Variants in ZBTB20 observed in about 807,000 individuals in gnomAD.
The protein encoded by ZBTB20 is zinc finger and BTB domain containing 20.
Under a neutral mutation model 56.9 loss-of-function variants are expected in ZBTB20, and 9 were observed. That is an observed-to-expected ratio of 0.16 (90% CI 0.10 to 0.28). The LOEUF is 0.28. Among genes scored for constraint, ZBTB20 ranks in the 10% least tolerant of loss-of-function variants. ZBTB20 has a pLI of 1.00. For missense variants in ZBTB20, 655 were observed against 1,003.0 expected (o/e 0.65, Z 4.69); for synonymous variants, 417 against 420.7 (o/e 0.99, Z 0.11).
intron 6 of ZBTB20, among the ~76,000 whole-genome samples, chr3:114,524,041 C>G (rs1274398850): frequency 6.6e-6 from 1 of 152,030 alleles, no homozygotes; most frequent in Non-Finnish European, 1.5e-5. Flanking sequence ...TGAGATTTGT[C>G]AAGAGAGCAC....
intron 7 of ZBTB20, among the ~76,000 whole-genome samples, chr3:114,457,807 T>C (rs1038734513): frequency 2.0e-5 from 3 of 152,178 alleles, no homozygotes; most frequent in African/African-American, 7.2e-5. Flanking sequence ...GCCTAGCAAG[T>C]GAGGAGCTGG....
chr3:115,068,233 G>A (rs896235511), intron 2 of ZBTB20, among the ~76,000 whole-genome samples: 40 of 151,468 alleles, frequency 2.6e-4, no homozygotes, highest in Non-Finnish European at 2.9e-5. Context: ...AGTATATAAA[G>A]GCTGCGATTT....
At position 114,535,187 on chromosome 3, in the gene ZBTB20, T is replaced by C. The variant is rs144365613; in HGVS notation, c.-294-34796A>G. Among the ~76,000 whole-genome samples, 1,015 of 152,134 alleles carry C rather than the reference T, an allele frequency of 6.7e-3. 6 individuals carry two copies. The highest frequency in any genetic ancestry group is 0.012 in the Non-Finnish European group (783 of 67,996). ...GAGACATGAAAAACCCTTCAAAAAA[T>C]TGATGAATCTAGGAGCTGATTTTTT... On this transcript the variant is annotated intron_variant, in intron 6 of 11. Transcript: ENST00000675478.
At chr3:114,678,506 T>C (rs113701648) in intron 6 of ZBTB20, among the ~76,000 whole-genome samples, 3,670 of 152,250 alleles carry the variant, frequency 0.024, 130 homozygotes, top group African/African-American at 0.079. Context: ...GACTGTGCTT[T>C]TGAACAATAT....
rs552754530 is a variant in ZBTB20 at position 114,390,799 on chromosome 3, G to A, written c.-254-1694C>T. Among the ~76,000 whole-genome samples, 6 of 152,322 alleles carry A rather than the reference G, an allele frequency of 3.9e-5. No homozygotes were observed. The East Asian group carries it at 1.2e-3, about 29-fold the overall frequency. On this transcript the variant is annotated intron_variant, in intron 7 of 11. Transcript: ENST00000675478. ...GAGGCACCTGGATGAATACAACAGG[G>A]TCTCTAACTTTGAGAAGTTCACATC... is the stretch of plus-strand genomic sequence containing the variant.
intron 2 of ZBTB20, among the ~76,000 whole-genome samples, chr3:115,063,979 T>C (rs1220610869): frequency 6.6e-6 from 1 of 152,090 alleles, no homozygotes; most frequent in Non-Finnish European, 1.5e-5. Flanking sequence ...AGTAACAATA[T>C]TTCCTTCCTA....
intron 6 of ZBTB20, among the ~76,000 whole-genome samples, chr3:114,530,229 T>C (rs2047689947): frequency 6.6e-6 from 1 of 152,228 alleles, no homozygotes; most frequent in African/African-American, 2.4e-5. Context: ...TTCTGCAAGA[T>C]CCATTCATTG....
chr3:114,717,125 G>C (rs551167608), intron 5 of ZBTB20, among the ~76,000 whole-genome samples: 88 of 152,174 alleles, frequency 5.8e-4, no homozygotes, highest in African/African-American at 2.0e-3. Context: ...CAGAGCCTTG[G>C]TTTCCTTTTC....
At chr3:115,002,971 A>T (rs965263458) in intron 2 of ZBTB20, among the ~76,000 whole-genome samples, 9 of 151,662 alleles carry the variant, frequency 5.9e-5, no homozygotes, top group Non-Finnish European at 1.2e-4. Context: ...AAGATTATTC[A>T]GCACTAAAGA....
At chr3:114,837,093 A>G (rs1270832127) in intron 4 of ZBTB20, among the ~76,000 whole-genome samples, 1 of 152,122 alleles carries the variant, frequency 6.6e-6, no homozygotes, top group Non-Finnish European at 1.5e-5. Flanking sequence ...CTCTGTTCCT[A>G]CATCTCTGCA....
rs527819380 is a variant in ZBTB20, at chr3:114,412,638, C to A, written c.-254-23533G>T. 2.6e-5 allele frequency among the ~76,000 whole-genome samples: 4 copies of A among 152,138 alleles called. No homozygotes were observed. The East Asian group carries it at 7.7e-4, about 29-fold the overall frequency. ...TAGCACAGAGGCAAGCAGTTTTAGG[C>A]TTTTTTTGGTCACAGATTTCTGCTG... On this transcript the variant is annotated intron_variant, in intron 7 of 11. Transcript: ENST00000675478.
At chr3:114,558,198 T>C (rs1462237127) in intron 6 of ZBTB20, among the ~76,000 whole-genome samples, 1 of 152,000 alleles carries the variant, frequency 6.6e-6, no homozygotes, top group Admixed American at 6.6e-5. Flanking sequence ...AGAAGAAGAC[T>C]TTAGGTCACC....
chr3:114,603,304 C>G (rs2056901411), intron 6 of ZBTB20, among the ~76,000 whole-genome samples: 1 of 151,940 alleles, frequency 6.6e-6, no homozygotes, highest in Admixed American at 6.6e-5. Context: ...GTGTACTATG[C>G]AAATTATAGT....
intron 7 of ZBTB20, among the ~76,000 whole-genome samples, chr3:114,489,870 G>A (rs2042541013): frequency 6.6e-6 from 1 of 152,220 alleles, no homozygotes; most frequent in South Asian, 2.1e-4. Flanking sequence ...ATAAAGATAA[G>A]CCATCACGGC....
At chr3:114,731,202 G>A (rs1045803452) in intron 5 of ZBTB20, among the ~76,000 whole-genome samples, 2 of 152,052 alleles carry the variant, frequency 1.3e-5, no homozygotes, top group Non-Finnish European at 2.9e-5. Flanking sequence ...GTTAATCCCG[G>A]TTCCCTTAAC....
At chr3:114,574,223 T>C (rs2053756076) in intron 6 of ZBTB20, among the ~76,000 whole-genome samples, 1 of 152,206 alleles carries the variant, frequency 6.6e-6, no homozygotes, top group African/African-American at 2.4e-5. Context: ...TTTTTTCTCT[T>C]TTATAAATGA....
chr3:114,561,362 C>A (rs568378735), intron 6 of ZBTB20, among the ~76,000 whole-genome samples: 1 of 152,130 alleles, frequency 6.6e-6, no homozygotes, highest in Admixed American at 6.5e-5. Flanking sequence ...ATTTACTTTG[C>A]CTATGTCGAT....
chr3:114,317,731 A>G lies in ZBTB20; in HGVS notation c.*21274T>C, dbSNP rs2078741659. 6.6e-6 allele frequency: 1 copy of G among 152,202 alleles called. No individual in the cohort carries two copies. The highest frequency in any genetic ancestry group is 1.5e-5 in the Non-Finnish European group (1 of 68,042). 9.4% of individuals were successfully genotyped at this position (152,202 alleles called of 1,614,324 possible). A position where few individuals can be genotyped will look rare whatever the true frequency, so the allele number is the denominator to read the frequency against. ...AGGAAGAGGTTCATCTAACTATAAA[A>G]GGAAAAGATGAAGGCACGTGATATT... On this transcript the variant is annotated 3_prime_UTR_variant, in exon 12 of 12. Coordinates refer to ENST00000675478, the MANE Select transcript of ZBTB20 (RefSeq NM_001348800.3).
intron 6 of ZBTB20, among the ~76,000 whole-genome samples, chr3:114,576,816 G>T (rs911154601): frequency 6.6e-6 from 1 of 151,428 alleles, no homozygotes; most frequent in South Asian, 2.1e-4. Flanking sequence ...GTGAGAAAGT[G>T]AGTGAGAATA....
Sources: allele counts gnomAD v4.1 joint callset (sites outside exome capture counted in the v4.1 genomes callset), GRCh38; gene constraint gnomAD v4.1.1; transcripts MANE v1.5; gene names NCBI Gene and HGNC (gene_info 2026-07-23, HGNC 2026-07-21).